The following PTPRD variants were observed in gnomAD, a reference collection of about 807,000 sequenced individuals.
PTPRD encodes the protein receptor-type tyrosine-protein phosphatase delta.
A neutral mutation model predicts 214.5 loss-of-function variants in PTPRD; 34 were observed. The observed-to-expected ratio is 0.16, with a 90% CI of 0.12 to 0.21. The LOEUF (loss-of-function observed/expected upper bound fraction) is 0.21. PTPRD is among the 10% of genes least tolerant of loss of function. The pLI is 1.00. For synonymous variants in PTPRD, 1,128 were observed against 845.7 expected (o/e 1.33, Z -5.79); for missense variants, 2,545 against 2,398.7 (o/e 1.06, Z -1.27).
chr9:9,180,683 G>T (rs992345241), intron 10 of PTPRD, among the ~76,000 whole-genome samples: 6 of 152,046 alleles, frequency 3.9e-5, no homozygotes, highest in South Asian at 2.1e-4. Flanking sequence ...CAAAAGGAAA[G>T]AATTTCTTCT....
At chr9:10,585,101 C>T (rs1300890230) in intron 2 of PTPRD, among the ~76,000 whole-genome samples, 2 of 152,034 alleles carry the variant, frequency 1.3e-5, no homozygotes, top group Admixed American at 6.5e-5. Flanking sequence ...TTATATAACA[C>T]AATATTGATA....
At chr9:9,222,625 G>A (rs558231562) in intron 9 of PTPRD, among the ~76,000 whole-genome samples, 6 of 151,798 alleles carry the variant, frequency 4.0e-5, no homozygotes, top group African/African-American at 1.2e-4. Flanking sequence ...GTCTAAACAC[G>A]AAAACAGATG....
chr9:10,154,011 T>C (rs1373968744), intron 3 of PTPRD, among the ~76,000 whole-genome samples: 1 of 152,214 alleles, frequency 6.6e-6, no homozygotes, highest in Admixed American at 6.6e-5. Context: ...GTAAAGGAGT[T>C]GCTGGGTGGA....
chr9:9,923,517 C>T (rs761466169), intron 5 of PTPRD, among the ~76,000 whole-genome samples: 3 of 151,748 alleles, frequency 2.0e-5, no homozygotes, highest in Non-Finnish European at 4.4e-5. Context: ...GAAATCAGTT[C>T]CACACAAAGG....
At chr9:9,747,807 C>A (rs1016200085) in intron 6 of PTPRD, among the ~76,000 whole-genome samples, 1 of 152,118 alleles carries the variant, frequency 6.6e-6, no homozygotes, top group East Asian at 1.9e-4. Flanking sequence ...CCTGCCTCGG[C>A]CTCCCAAAGT....
intron 8 of PTPRD, among the ~76,000 whole-genome samples, chr9:9,473,796 C>A (rs1054665670): frequency 1.4e-4 from 20 of 140,682 alleles, no homozygotes; most frequent in African/African-American, 3.6e-4. Context: ...GATATTCAGA[C>A]TTTTTGTCCG....
chr9:9,095,443 T>C (rs181954109), intron 10 of PTPRD, among the ~76,000 whole-genome samples: 7 of 152,330 alleles, frequency 4.6e-5, no homozygotes, highest in Admixed American at 4.6e-4. Context: ...GTTGTTTCAA[T>C]GTCAATTTTC....
chr9:9,611,653 C>A (rs1001843652), intron 7 of PTPRD, among the ~76,000 whole-genome samples: 1 of 151,648 alleles, frequency 6.6e-6, no homozygotes, highest in Non-Finnish European at 1.5e-5. Context: ...ACACACACAC[C>A]CACGTGTGTA....
intron 3 of PTPRD, among the ~76,000 whole-genome samples, chr9:10,074,629 A>G (rs1333143821): frequency 6.6e-6 from 1 of 152,152 alleles, no homozygotes; most frequent in Non-Finnish European, 1.5e-5. Flanking sequence ...GCCCATGGAT[A>G]GCAGTTAATG....
At chr9:10,386,448 G>T (rs2097915539) in intron 2 of PTPRD, among the ~76,000 whole-genome samples, 1 of 151,802 alleles carries the variant, frequency 6.6e-6, no homozygotes, top group African/African-American at 2.4e-5. Flanking sequence ...TTTAGGTCTG[G>T]AGATAAAGGG....
intron 2 of PTPRD, among the ~76,000 whole-genome samples, chr9:10,437,159 G>A (rs892732960): frequency 2.6e-5 from 4 of 151,762 alleles, no homozygotes; most frequent in African/African-American, 9.7e-5. Flanking sequence ...GTCATCATTA[G>A]TGATCCTCAT....
chr9:9,211,881 G>A (rs1261123457), intron 9 of PTPRD, among the ~76,000 whole-genome samples: 2 of 151,528 alleles, frequency 1.3e-5, no homozygotes, highest in Non-Finnish European at 2.9e-5. Context: ...TTACACAACT[G>A]TTTCAGTGTT....
chr9:8,566,124 G>GTGTGTGTC lies in PTPRD; in HGVS notation c.353-37346_353-37345insGACACACA, dbSNP rs1268132156. The stretch of plus-strand genomic sequence containing the variant: ...TATGTGTGTGTGTGTGTGTGTGTGT[G>GTGTGTGTC]TGTGTGTGTGTGTGTGTATAGCAAG... On this transcript the variant is annotated intron_variant, in intron 14 of 45. Transcript: ENST00000381196. Among the ~76,000 whole-genome samples, 17 of 151,546 alleles carry GTGTGTGTC rather than the reference G, an allele frequency of 1.1e-4. 1 individual carries two copies. Among genetic ancestry groups the GTGTGTGTC allele is most frequent in the Non-Finnish European group, 1.5e-5 (1 of 67,848 alleles).
chr9:8,959,944 G>A lies in PTPRD; in HGVS notation c.-104+58753C>T, dbSNP rs927309783. Among the ~76,000 whole-genome samples the A allele has an allele frequency of 3.3e-5, 5 of 152,042 alleles. No homozygotes were observed. The East Asian group carries it at 9.7e-4, about 29-fold the overall frequency. On this transcript the variant is annotated intron_variant, in intron 11 of 45. Coordinates refer to ENST00000381196, the MANE Select transcript of PTPRD (RefSeq NM_002839.4). ...GAGTACCTCACCTATCATGTGACAA[G>A]TGTACAACATCATCTTTCTTTCCCC...
At chr9:9,515,219 TGA>T (rs1743559100) in intron 8 of PTPRD, among the ~76,000 whole-genome samples, 1 of 152,102 alleles carries the variant, frequency 6.6e-6, no homozygotes, top group African/African-American at 2.4e-5. Context: ...GTAGCTTGTA[TGA>T]GTGTCTGCCT....
chr9:10,322,000 G>A (rs1008947065), intron 3 of PTPRD, among the ~76,000 whole-genome samples: 8 of 152,004 alleles, frequency 5.3e-5, no homozygotes, highest in Admixed American at 1.3e-4. Context: ...AGAAATGGTA[G>A]TATGGTGAAG....
intron 10 of PTPRD, among the ~76,000 whole-genome samples, chr9:9,145,455 A>T (rs2099867016): frequency 1.0e-5 from 1 of 100,282 alleles, no homozygotes; most frequent in Admixed American, 8.5e-5. Flanking sequence ...ATATACTATG[A>T]GATTCTTTTT....
chr9:9,053,384 A>AATGATGATG (rs147341142), intron 10 of PTPRD, among the ~76,000 whole-genome samples: 4 of 151,362 alleles, frequency 2.6e-5, no homozygotes, highest in Non-Finnish European at 5.9e-5. Context: ...TATGATGGCC[A>AATGATGATG]ATGATGATGA....
intron 5 of PTPRD, among the ~76,000 whole-genome samples, chr9:9,779,074 C>G (rs532897252): frequency 4.4e-4 from 8 of 18,140 alleles, no homozygotes; most frequent in East Asian, 2.8e-3. Flanking sequence ...TTTCATAAGA[C>G]TGACAAAAAA....
Sources: gnomAD v4.1 joint callset for allele counts (sites outside exome capture counted in the v4.1 genomes callset) on GRCh38, gnomAD v4.1.1 for gene constraint, MANE v1.5 for transcripts, NCBI Gene and HGNC (gene_info 2026-07-23, HGNC 2026-07-21) for gene names.